BRIP1: variants seen among roughly 807,000 people sequenced by gnomAD.
The protein encoded by BRIP1 is Fanconi anemia group J protein.
BRIP1 carries 88 observed loss-of-function variants against 119.7 expected under a neutral mutation model. The ratio of observed to expected loss-of-function variants is 0.74; its 90% CI spans 0.62 to 0.88. BRIP1 has a LOEUF of 0.88. Ranked by LOEUF, BRIP1 falls within the 40% of genes least tolerant of loss-of-function variation. The pLI is 0.00. For synonymous variants in BRIP1, 443 were observed against 496.5 expected, an observed-to-expected ratio of 0.89 and a Z score of 1.43; for missense variants, 1,259 against 1,455.4, an observed-to-expected ratio of 0.87 and a Z score of 2.20.
intron 17 of BRIP1, among the ~76,000 whole-genome samples, chr17:61,711,445 C>A (rs1225143354): frequency 6.6e-6 from 1 of 152,054 alleles, no homozygotes; most frequent in Non-Finnish European, 1.5e-5. Context: ...GCTTCAATAA[C>A]CTTCAGTGCA....
At chr17:61,731,649 A>C (rs2144572507) in intron 16 of BRIP1, among the ~76,000 whole-genome samples, 1 of 151,988 alleles carries the variant, frequency 6.6e-6, no homozygotes, top group South Asian at 2.1e-4. Context: ...CACATTCATA[A>C]CTCCTAGTTT....
chr17:61,717,219 T>A lies in BRIP1; in HGVS notation c.2380-1156A>T, dbSNP rs1256592274. 6.6e-6 allele frequency among the ~76,000 whole-genome samples: 1 copy of A among 152,106 alleles called. No homozygotes were observed. Among genetic ancestry groups the A allele is most frequent in the African/African-American group, 2.4e-5 (1 of 41,458 alleles). ...CTCATGTCAAATTAAGAAATTAACA[T>A]TAGTACATTAGTATTAAATAATCTA... On this transcript the variant is annotated intron_variant, in intron 16 of 19. Coordinates refer to ENST00000259008, the MANE Select transcript of BRIP1 (RefSeq NM_032043.3). The surrounding 1 kb of genome is among the most constrained non-coding windows in gnomAD (Gnocchi z 4.1).
chr17:61,698,514 T>A (rs2144237028), intron 17 of BRIP1, among the ~76,000 whole-genome samples: 1 of 152,250 alleles, frequency 6.6e-6, no homozygotes, highest in Admixed American at 6.5e-5. Flanking sequence ...AGTTGTTGGT[T>A]TGTAGTTTTG....
At chr17:61,723,391 AC>A (rs1471793767) in intron 16 of BRIP1, among the ~76,000 whole-genome samples, 1 of 152,212 alleles carries the variant, frequency 6.6e-6, no homozygotes, top group Non-Finnish European at 1.5e-5. Flanking sequence ...AATGTGCACC[AC>A]CAGCAAAAGG....
intron 16 of BRIP1, among the ~76,000 whole-genome samples, chr17:61,728,762 A>T (rs2076804193): frequency 6.6e-6 from 1 of 152,214 alleles, no homozygotes; most frequent in Non-Finnish European, 1.5e-5. Context: ...ATTGGCAGTT[A>T]TCTGGGCTTG....
intron 6 of BRIP1, among the ~76,000 whole-genome samples, chr17:61,829,582 T>A (rs1295798065): frequency 1.3e-5 from 2 of 151,830 alleles, no homozygotes; most frequent in African/African-American, 4.8e-5. Flanking sequence ...TATAAATGAA[T>A]ACCCATACTT....
In BRIP1 at chr17:61,705,267, A is replaced by G. The variant is rs2061675848; in HGVS notation, c.2492+10684T>C. On this transcript the variant is annotated intron_variant, in intron 17 of 19. Transcript: ENST00000259008. This position sits in a 1 kb window ranked among gnomAD's most constrained non-coding sequence, Gnocchi z 5.0. ...GCATCCATGTTGCGGCAAGGACATG[A>G]TTTCATTCTTTTTTAATGGCTGTGC... Among the ~76,000 whole-genome samples the G allele has an allele frequency of 6.6e-6, 1 of 151,988 alleles. No homozygotes were observed. The highest frequency in any genetic ancestry group is 2.4e-5 in the African/African-American group (1 of 41,380).
chr17:61,784,177 T>C, intron 11 of BRIP1, 93 bp downstream of exon 11: 1 of 1,114,808 alleles, frequency 9.0e-7, no homozygotes, highest in East Asian at 2.4e-5. Flanking sequence ...TTCTCCTATT[T>C]ACTCACCCAA....
chr17:61,723,020 A>G (rs1377294738), intron 16 of BRIP1, among the ~76,000 whole-genome samples: 1 of 152,232 alleles, frequency 6.6e-6, no homozygotes, highest in Non-Finnish European at 1.5e-5. Flanking sequence ...TATTACATAA[A>G]CAGATTTTTA....
In BRIP1 at chr17:61,861,813, GTTAGT is replaced by G. The variant is rs1379797947; in HGVS notation, c.-30-249_-30-245del. The G allele has an allele frequency of 3.9e-6, 2 of 513,434 alleles. No individual in the cohort carries two copies. Among genetic ancestry groups the G allele is most frequent in the East Asian group, 7.0e-5 (2 of 28,502 alleles). 31.8% of individuals were successfully genotyped at this position (513,434 alleles called of 1,614,324 possible). ...GTATTAGTTGTGTGACTTCGGGAAA[GTTAGT>G]TACCTTCTCTAAGCCACAGTGACTG... On this transcript the variant is annotated intron_variant, in intron 1 of 19. Transcript: ENST00000259008. The surrounding 1 kb of genome is among the most constrained non-coding windows in gnomAD (Gnocchi z 4.5).
chr17:61,773,973 T>C (rs1187112013), intron 14 of BRIP1, among the ~76,000 whole-genome samples: 3 of 152,228 alleles, frequency 2.0e-5, no homozygotes, highest in African/African-American at 7.2e-5. Flanking sequence ...CAGGAACGCT[T>C]TTACACTGTT....
intron 17 of BRIP1, among the ~76,000 whole-genome samples, chr17:61,712,902 CAAAA>C (rs10602913): frequency 1.4e-5 from 2 of 141,204 alleles, no homozygotes; most frequent in African/African-American, 2.6e-5. Context: ...GACTTCATCT[CAAAA>C]AAAAAAAAAA....
In BRIP1 at chr17:61,754,912, C is replaced by G. The variant is rs1324921464; in HGVS notation, c.2098-10321G>C. Among the ~76,000 whole-genome samples the G allele has an allele frequency of 6.6e-6, 1 of 152,096 alleles. No homozygotes were observed. Among genetic ancestry groups the G allele is most frequent in the Non-Finnish European group, 1.5e-5 (1 of 68,010 alleles). ...TAACCGCAATTACTTCCTTAGAGGC[C>G]CCATCTCCAAATATAACCACACTGG... On this transcript the variant is annotated intron_variant, in intron 14 of 19. Transcript: ENST00000259008. This position sits in a 1 kb window ranked among gnomAD's most constrained non-coding sequence, Gnocchi z 4.1.
rs558926210 is a variant in BRIP1 at position 61,689,129 on chromosome 17, C to T, written c.2576-2964G>A. ...CGCCATCTCGGCTCACTGAAACCTC[C>T]GCCTCCCTGATTCAAGCGATTCTCC... On this transcript the variant is annotated intron_variant, in intron 18 of 19. Transcript: ENST00000259008. The surrounding 1 kb of genome is among the most constrained non-coding windows in gnomAD (Gnocchi z 4.5). Among the ~76,000 whole-genome samples, 6 of 151,346 alleles carry T rather than the reference C, an allele frequency of 4.0e-5. No individual in the cohort carries two copies. The highest frequency in any genetic ancestry group is 7.3e-5 in the African/African-American group (3 of 41,020).
rs1027190084 is a variant in BRIP1 at position 61,710,711 on chromosome 17, A to G, written c.2492+5240T>C. 6.6e-6 allele frequency among the ~76,000 whole-genome samples: 1 copy of G among 152,178 alleles called. No individual in the cohort carries two copies. Among genetic ancestry groups the G allele is most frequent in the African/African-American group, 2.4e-5 (1 of 41,430 alleles). ...AAAAGCAGGTATTACAGTTTTAGAA[A>G]TGGATGGGAACAAGATGTAAAGGGC... On this transcript the variant is annotated intron_variant, in intron 17 of 19. Transcript: ENST00000259008. This position sits in a 1 kb window ranked among gnomAD's most constrained non-coding sequence, Gnocchi z 5.4.
Position 61,720,816 on chromosome 17 carries a change from A to G in BRIP1, c.2380-4753T>C, listed in dbSNP as rs1486613111. Among the ~76,000 whole-genome samples, 2 of 151,748 alleles carry G rather than the reference A, an allele frequency of 1.3e-5. No individual in the cohort carries two copies. The highest frequency in any genetic ancestry group is 6.6e-5 in the Admixed American group (1 of 15,242). On this transcript the variant is annotated intron_variant, in intron 16 of 19. Coordinates refer to ENST00000259008, the MANE Select transcript of BRIP1 (RefSeq NM_032043.3). This position sits in a 1 kb window ranked among gnomAD's most constrained non-coding sequence, Gnocchi z 4.3. ...AAACCTACTCAAGAAAAAACAAAGT[A>G]TTTTCCGTGTACTCTATAACACTGT...
rs1423759057 is a variant in BRIP1 at position 61,814,120 on chromosome 17, C to G, written c.628-5363G>C. On this transcript the variant is annotated intron_variant, in intron 6 of 19. Transcript: ENST00000259008. This position sits in a 1 kb window ranked among gnomAD's most constrained non-coding sequence, Gnocchi z 4.9. ...AGCAAGAGTCAGCAAAAGAGCCAGA[C>G]AGTAAACATTTCAAGCTTCAAAGGC... Among the ~76,000 whole-genome samples the G allele has an allele frequency of 2.6e-5, 4 of 152,018 alleles. No homozygotes were observed. Among genetic ancestry groups the G allele is most frequent in the Non-Finnish European group, 4.4e-5 (3 of 67,916 alleles).
chr17:61,827,537 G>A lies in BRIP1; in HGVS notation c.628-18780C>T, dbSNP rs2078428375. 6.6e-6 allele frequency among the ~76,000 whole-genome samples: 1 copy of A among 152,184 alleles called. No homozygotes were observed. The highest frequency in any genetic ancestry group is 2.1e-4 in the South Asian group (1 of 4,830). ...GAGACCAGAAGTTCAAGGCTAGCCT[G>A]GCCAACATGGTGAAACCCCATCTCT... On this transcript the variant is annotated intron_variant, in intron 6 of 19. Transcript: ENST00000259008. The surrounding 1 kb of genome is among the most constrained non-coding windows in gnomAD (Gnocchi z 5.8).
Position 61,770,961 on chromosome 17 carries a change from C to T in BRIP1, c.2097+5440G>A, listed in dbSNP as rs541948656. Among the ~76,000 whole-genome samples the T allele has an allele frequency of 6.6e-6, 1 of 152,254 alleles. No homozygotes were observed. Among genetic ancestry groups the T allele is most frequent in the African/African-American group, 2.4e-5 (1 of 41,568 alleles). On this transcript the variant is annotated intron_variant, in intron 14 of 19. Transcript: ENST00000259008. This position sits in a 1 kb window ranked among gnomAD's most constrained non-coding sequence, Gnocchi z 4.7. ...TTACATTAAACGTAAATGGAGTAAA[C>T]ACTCAAGTTAAAAGGCAGAGATAAG...
Sources: gnomAD v4.1 joint callset for allele counts (sites outside exome capture counted in the v4.1 genomes callset) on GRCh38, gnomAD v4.1.1 for gene constraint, Gnocchi (gnomAD v3.1) non-coding constraint, MANE v1.5 for transcripts, NCBI Gene and HGNC (gene_info 2026-07-23, HGNC 2026-07-21) for gene names.